Variants in ADAMTSL1 observed in about 807,000 individuals in gnomAD.
ADAMTSL1 encodes the protein ADAMTS-like protein 1.
A neutral mutation model predicts 201.8 loss-of-function variants in ADAMTSL1; 126 were observed. The ratio of observed to expected loss-of-function variants is 0.62; its 90% confidence interval spans 0.54 to 0.72. ADAMTSL1 has a LOEUF of 0.72. Ranked by LOEUF, ADAMTSL1 falls within the 30% of genes least tolerant of loss-of-function variation. The pLI, the probability that ADAMTSL1 is intolerant of heterozygous loss-of-function variation, is 0.00. For missense variants in ADAMTSL1, 2,679 were observed against 2,277.8 expected (o/e 1.18, Z -3.59); for synonymous variants, 1,121 against 903.4 (o/e 1.24, Z -4.32).
chr9:18,045,996 C>G (rs1180140432), intron 1 of ADAMTSL1, among the ~76,000 whole-genome samples: 1 of 152,108 alleles, frequency 6.6e-6, no homozygotes, highest in Non-Finnish European at 1.5e-5. Context: ...GTACTGGTTT[C>G]TCTGGGAGGA....
chr9:18,498,989 A>C (rs1363316282), intron 1 of ADAMTSL1, among the ~76,000 whole-genome samples: 2 of 152,258 alleles, frequency 1.3e-5, no homozygotes, highest in African/African-American at 4.8e-5. Context: ...AGCGCACTGG[A>C]ATGTGTGCAT....
intron 13 of ADAMTSL1, among the ~76,000 whole-genome samples, chr9:18,689,592 A>G (rs2133232059): frequency 6.6e-6 from 1 of 152,352 alleles, no homozygotes; most frequent in African/African-American, 2.4e-5. Flanking sequence ...TGATCTCCAA[A>G]ACAAGGCATC....
Position 18,159,482 on chromosome 9 carries a change from A to G in ADAMTSL1, c.88-4380A>G, listed in dbSNP as rs963425866. The stretch of plus-strand genomic sequence containing the variant: ...ATATGGCTGCCTCTCCCAGAGTTGT[A>G]AGAACTTTATAGCTACGTGGAATTT... On this transcript the variant is annotated intron_variant, in intron 1 of 29. Coordinates refer to the ADAMTSL1 transcript ENST00000680146. Among the ~76,000 whole-genome samples the G allele has an allele frequency of 8.5e-5, 13 of 152,132 alleles. No homozygotes were observed. The East Asian group carries it at 2.5e-3, about 30-fold the overall frequency.
intron 2 of ADAMTSL1, among the ~76,000 whole-genome samples, chr9:18,167,620 G>A (rs932762777): frequency 1.3e-5 from 2 of 151,834 alleles, no homozygotes; most frequent in Admixed American, 6.6e-5. Context: ...ACTGGTGTGG[G>A]GCAGTATTAT....
intron 2 of ADAMTSL1, among the ~76,000 whole-genome samples, chr9:18,392,459 A>G (rs1838091545): frequency 6.6e-6 from 1 of 152,162 alleles, no homozygotes; most frequent in Non-Finnish European, 1.5e-5. Flanking sequence ...TCTTTACTTC[A>G]TCCTACATCT....
chr9:18,811,209 C>T (rs920663810), intron 20 of ADAMTSL1, among the ~76,000 whole-genome samples: 1 of 152,100 alleles, frequency 6.6e-6, no homozygotes, highest in Admixed American at 6.5e-5. Context: ...AGATTCCCCA[C>T]CAGCCAGCCT....
chr9:18,034,880 T>A (rs749158653), intron 1 of ADAMTSL1, among the ~76,000 whole-genome samples: 2 of 152,202 alleles, frequency 1.3e-5, no homozygotes, highest in Admixed American at 6.5e-5. Flanking sequence ...TTTCAGTCTT[T>A]CCTCATGTTC....
rs142299751 is a variant in ADAMTSL1, at chr9:18,133,471, C to A, written c.88-30391C>A. ...TCATTGAATCTCATATATTATCTCC[C>A]TTTAAAAAAATCTGACAACTAAGTA... is the stretch of plus-strand genomic sequence containing the variant. On this transcript the variant is annotated intron_variant, in intron 1 of 29. Transcript: ENST00000680146. Among the ~76,000 whole-genome samples, 1,284 of 152,266 alleles carry A rather than the reference C, an allele frequency of 8.4e-3. 15 individuals are homozygous for A. The highest frequency in any genetic ancestry group is 0.03 in the African/African-American group (1,238 of 41,558).
intron 2 of ADAMTSL1, among the ~76,000 whole-genome samples, chr9:18,311,869 G>C (rs1834171159): frequency 6.6e-6 from 1 of 152,148 alleles, no homozygotes; most frequent in Non-Finnish European, 1.5e-5. Context: ...GTGGTCTAGA[G>C]CTGTGGCTGA....
At chr9:18,769,146 G>C (rs906434900) in intron 16 of ADAMTSL1, among the ~76,000 whole-genome samples, 2 of 152,130 alleles carry the variant, frequency 1.3e-5, no homozygotes, top group African/African-American at 2.4e-5. Context: ...GCTATGTTCT[G>C]ACTGTACCCA....
At chr9:18,315,744 C>T (rs1834363312) in intron 2 of ADAMTSL1, among the ~76,000 whole-genome samples, 2 of 152,220 alleles carry the variant, frequency 1.3e-5, no homozygotes, top group Admixed American at 1.3e-4. Context: ...AGGGAGCTAG[C>T]TCCGGCCTCA....
At chr9:18,839,317 AATG>A (rs1472075364) in intron 23 of ADAMTSL1, among the ~76,000 whole-genome samples, 1 of 151,640 alleles carries the variant, frequency 6.6e-6, no homozygotes, top group Non-Finnish European at 1.5e-5. Flanking sequence ...GTTTACTGAG[AATG>A]ATGATTTCCA....
chr9:18,089,001 A>T (rs1017531544), intron 1 of ADAMTSL1, among the ~76,000 whole-genome samples: 3 of 152,208 alleles, frequency 2.0e-5, no homozygotes, highest in Non-Finnish European at 4.4e-5. Context: ...CTATCAACAG[A>T]TGAATGGGTA....
intron 2 of ADAMTSL1, among the ~76,000 whole-genome samples, chr9:18,522,852 A>C (rs199643090): frequency 6.6e-6 from 1 of 152,054 alleles, no homozygotes; most frequent in Non-Finnish European, 1.5e-5. Flanking sequence ...CATGGACATT[A>C]GGTTTGGTTC....
chr9:18,669,705 T>C (rs982776294), intron 9 of ADAMTSL1, among the ~76,000 whole-genome samples: 3 of 152,330 alleles, frequency 2.0e-5, no homozygotes, highest in Admixed American at 2.0e-4. Context: ...TTTCAAGCTG[T>C]GGCCCAGTAA....
chr9:18,786,577 A>G (rs1470300091), intron 19 of ADAMTSL1, among the ~76,000 whole-genome samples: 2 of 152,246 alleles, frequency 1.3e-5, no homozygotes, highest in Non-Finnish European at 2.9e-5. Flanking sequence ...CCTGACACAC[A>G]GTGGATACTC....
chr9:18,148,522 A>G (rs1188300393), intron 1 of ADAMTSL1, among the ~76,000 whole-genome samples: 1 of 152,078 alleles, frequency 6.6e-6, no homozygotes, highest in Non-Finnish European at 1.5e-5. Flanking sequence ...GCATCCATGA[A>G]TTCTAGAAAG....
intron 1 of ADAMTSL1, among the ~76,000 whole-genome samples, chr9:17,977,588 G>T (rs1414875960): frequency 4.0e-5 from 6 of 151,886 alleles, no homozygotes; most frequent in Non-Finnish European, 7.4e-5. Context: ...GCATATAGTT[G>T]TTCATAGTAG....
At chr9:18,707,995 T>A (rs1334641152) in intron 14 of ADAMTSL1, among the ~76,000 whole-genome samples, 1 of 152,238 alleles carries the variant, frequency 6.6e-6, no homozygotes, top group Admixed American at 6.5e-5. Context: ...AAGAGAAATT[T>A]TAATAGATGA....
Sources: gnomAD v4.1 joint callset for allele counts (sites outside exome capture counted in the v4.1 genomes callset) on GRCh38, gnomAD v4.1.1 for gene constraint, MANE v1.5 for transcripts, NCBI Gene and HGNC (gene_info 2026-07-23, HGNC 2026-07-21) for gene names.